The following JADE1 variants were observed in gnomAD, a reference collection of about 807,000 sequenced individuals.
The protein encoded by JADE1 is protein Jade-1.
In JADE1, 14 loss-of-function variants were observed where a neutral mutation model predicts 81.8. The observed-to-expected ratio is 0.17, with a 90% confidence interval of 0.11 to 0.27. The LOEUF (loss-of-function observed/expected upper bound fraction) is 0.27. Among genes scored for constraint, JADE1 ranks in the 10% least tolerant of loss-of-function variants. The probability of loss-of-function intolerance (pLI) is 1.00; values close to 1 mark genes in which losing one functional copy is unlikely to be tolerated. For synonymous variants in JADE1, 353 were observed against 391.9 expected (o/e 0.90, Z 1.17); for missense variants, 690 against 1,047.9 (o/e 0.66, Z 4.71).
rs1731564005 is a variant in JADE1, at chr4:128,863,751, G to A, written c.1503+1526G>A. 3.0e-6 allele frequency: 3 copies of A among 985,264 alleles called. No homozygotes were observed. In the African/African-American group the frequency reaches 5.2e-5, roughly 17 times the overall value. The allele number at this position is 985,264 out of a possible 1,614,324, so 61.0% of individuals were successfully genotyped here. On this transcript the variant is annotated intron_variant, in intron 9 of 10. Transcript: ENST00000226319. ...TTTTGTTAGAGATGAGAAAAGGATTGAGAAGGATAAACTGGAATCCTGGTA... is the reference window on the plus strand; with the variant it reads ...TTTTGTTAGAGATGAGAAAAGGATTAAGAAGGATAAACTGGAATCCTGGTA...
chr4:128,822,578 G>A (rs1727678796), intron 1 of JADE1, among the ~76,000 whole-genome samples: 1 of 151,934 alleles, frequency 6.6e-6, no homozygotes, highest in African/African-American at 2.4e-5. Flanking sequence ...AATTAGCCGG[G>A]CGTGGTGGCA....
chr4:128,815,876 AAC>A (rs1726984237), intron 1 of JADE1, among the ~76,000 whole-genome samples: 1 of 152,226 alleles, frequency 6.6e-6, no homozygotes, highest in Non-Finnish European at 1.5e-5. Flanking sequence ...CATATTAGCG[AAC>A]ACACCTTGCT....
intron 4 of JADE1, among the ~76,000 whole-genome samples, chr4:128,848,315 G>GT (rs935254202): frequency 2.0e-5 from 3 of 152,010 alleles, no homozygotes; most frequent in African/African-American, 7.2e-5. Context: ...AGTAGCTGGG[G>GT]TTACAGGCGT....
At chr4:128,813,407 C>CTTTTTTTTT (rs72296886) in intron 1 of JADE1, among the ~76,000 whole-genome samples, 15 of 115,558 alleles carry the variant, frequency 1.3e-4, no homozygotes, top group Non-Finnish European at 2.0e-4. Flanking sequence ...CTTACGGTCA[C>CTTTTTTTTT]TTTTTTTTTT....
intron 1 of JADE1, among the ~76,000 whole-genome samples, chr4:128,813,468 GAGTGC>G (rs1167387727): frequency 2.0e-5 from 3 of 147,212 alleles, no homozygotes; most frequent in Non-Finnish European, 4.5e-5. Flanking sequence ...ACCCAGGCTG[GAGTGC>G]AGTGGCATGA....
intron 9 of JADE1, chr4:128,863,665 G>A (rs753155190): frequency 1.9e-4 from 192 of 985,208 alleles, no homozygotes; most frequent in Non-Finnish European, 2.1e-4. Context: ...GCTCCCATAC[G>A]CCCCCTGGTG....
intron 1 of JADE1, chr4:128,811,912 C>A (rs1456321605): frequency 6.6e-6 from 1 of 151,516 alleles, no homozygotes; most frequent in African/African-American, 2.4e-5. Context: ...CGGAGCTCCT[C>A]GCCGCCGCTG....
At chr4:128,863,698 C>T in intron 9 of JADE1, 2 of 985,344 alleles carry the variant, frequency 2.0e-6, no homozygotes, top group Non-Finnish European at 2.4e-6. Context: ...AAGACTTTGC[C>T]TCTCACAACT....
intron 1 of JADE1, among the ~76,000 whole-genome samples, chr4:128,824,091 T>G (rs1223256359): frequency 6.6e-6 from 1 of 152,188 alleles, no homozygotes; most frequent in Non-Finnish European, 1.5e-5. Context: ...AGGTACCTAG[T>G]GTTTAAAAAA....
chr4:128,856,816 G>C (rs944817275), intron 7 of JADE1, among the ~76,000 whole-genome samples: 6 of 152,148 alleles, frequency 3.9e-5, no homozygotes, highest in African/African-American at 1.4e-4. Flanking sequence ...GTATTGATGG[G>C]ATACAATTCG....
At chr4:128,838,285 T>C (rs1729146870) in intron 2 of JADE1, among the ~76,000 whole-genome samples, 1 of 152,226 alleles carries the variant, frequency 6.6e-6, no homozygotes, top group South Asian at 2.1e-4. Flanking sequence ...TAATGTAATA[T>C]AGAATTGTTT....
chr4:128,815,829 T>G (rs1035802300), intron 1 of JADE1, among the ~76,000 whole-genome samples: 1 of 152,172 alleles, frequency 6.6e-6, no homozygotes, highest in Non-Finnish European at 1.5e-5. Flanking sequence ...CTGGTTTTCC[T>G]GTGAGGTTTA....
chr4:128,841,239 GTGA>G (rs1729409430), intron 2 of JADE1, among the ~76,000 whole-genome samples: 1 of 152,190 alleles, frequency 6.6e-6, no homozygotes, highest in South Asian at 2.1e-4. Context: ...CAGGATTGGG[GTGA>G]TGATTATTAA....
At chr4:128,848,748 G>A (rs543302147) in intron 4 of JADE1, among the ~76,000 whole-genome samples, 1 of 152,316 alleles carries the variant, frequency 6.6e-6, no homozygotes, top group East Asian at 1.9e-4. Context: ...CAGGGTCCCG[G>A]GAAGCAGATT....
At chr4:128,810,437 CTTTAGTTTATAGGT>C (rs1363550818) in intron 1 of JADE1, 2 of 127,310 alleles carry the variant, frequency 1.6e-5, no homozygotes, top group South Asian at 2.7e-4. Context: ...TTTAAGTTGG[CTTTAGTTTATAGGT>C]TTTTTTTTTT....
At chr4:128,860,203 C>A (rs539129113) in intron 8 of JADE1, among the ~76,000 whole-genome samples, 1 of 152,132 alleles carries the variant, frequency 6.6e-6, no homozygotes, top group East Asian at 1.9e-4. Context: ...TGTATGTGTG[C>A]GTGCTTGTGT....
chr4:128,823,959 C>A (rs920513524), intron 1 of JADE1, among the ~76,000 whole-genome samples: 7 of 152,026 alleles, frequency 4.6e-5, no homozygotes, highest in Admixed American at 4.6e-4. Context: ...AGTTATAGGT[C>A]ATTATATTTG....
At chr4:128,811,077 T>TG (rs1447114781) in intron 1 of JADE1, among the ~76,000 whole-genome samples, 1 of 152,136 alleles carries the variant, frequency 6.6e-6, no homozygotes, top group South Asian at 2.1e-4. Context: ...GTTTGCGAGT[T>TG]GGGGGCTGTT....
rs1208820252 is a variant in JADE1, at chr4:128,871,215, T to G, written c.1622-140T>G. 2.5e-6 allele frequency: 2 copies of G among 812,900 alleles called. No homozygotes were observed. The highest frequency in any genetic ancestry group is 3.5e-5 in the African/African-American group (2 of 57,854). The allele number at this position is 812,900 out of a possible 1,614,324, so 50.4% of individuals were successfully genotyped here. On this transcript the variant is annotated intron_variant, in intron 10 of 10. Transcript: ENST00000226319. This position sits in a 1 kb window ranked among gnomAD's most constrained non-coding sequence, Gnocchi z 4.1. ...ATCTCTTCACTATAAAAACCAAATT[T>G]GTACAAACTTGGTGGTGTAAGTGTT...
Sources: allele counts gnomAD v4.1 joint callset (sites outside exome capture counted in the v4.1 genomes callset), GRCh38; gene constraint gnomAD v4.1.1; non-coding constraint Gnocchi (gnomAD v3.1); transcripts MANE v1.5; gene names NCBI Gene and HGNC (gene_info 2026-07-23, HGNC 2026-07-21).